CDH12: variants seen among roughly 807,000 people sequenced by gnomAD.
CDH12 encodes cadherin 12.
Under a neutral mutation model 74.1 loss-of-function variants are expected in CDH12, and 41 were observed. That is an observed-to-expected ratio of 0.55 (90% CI 0.43 to 0.72). The LOEUF (loss-of-function observed/expected upper bound fraction) is 0.72, where lower values mean the gene tolerates loss of function less well. Among genes scored for constraint, CDH12 ranks in the 30% least tolerant of loss-of-function variants. The pLI is 0.00. For missense variants in CDH12, 945 were observed against 977.2 expected, an observed-to-expected ratio of 0.97 and a Z score of 0.44; for synonymous variants, 399 against 355.0, an observed-to-expected ratio of 1.12 and a Z score of -1.39.
intron 11 of CDH12, among the ~76,000 whole-genome samples, chr5:21,768,964 T>C (rs535241547): frequency 6.6e-6 from 1 of 152,094 alleles, no homozygotes; most frequent in African/African-American, 2.4e-5. Flanking sequence ...GGACACGAGG[T>C]TGATTTAACA....
At chr5:22,289,624 C>T (rs1341563554) in intron 3 of CDH12, among the ~76,000 whole-genome samples, 1 of 152,090 alleles carries the variant, frequency 6.6e-6, no homozygotes, top group Non-Finnish European at 1.5e-5. Context: ...TGGGAGATCA[C>T]AGTACCTGGT....
chr5:22,827,618 T>C (rs764348062), intron 1 of CDH12, among the ~76,000 whole-genome samples: 1 of 152,212 alleles, frequency 6.6e-6, no homozygotes, highest in Non-Finnish European at 1.5e-5. Flanking sequence ...GCCAGGCTCT[T>C]CATGTTGACA....
chr5:22,008,635 C>T (rs1370928727), intron 5 of CDH12, among the ~76,000 whole-genome samples: 2 of 152,192 alleles, frequency 1.3e-5, no homozygotes, highest in Non-Finnish European at 2.9e-5. Flanking sequence ...TCAGAGACTT[C>T]CCTCTCCATC....
chr5:22,117,481 TATATATATTATATATATATA>T (rs1745212705), intron 4 of CDH12, among the ~76,000 whole-genome samples: 1 of 45,340 alleles, frequency 2.2e-5, no homozygotes, highest in African/African-American at 8.9e-5. Context: ...ATATATATTA[TATATATATTATATATATATA>T]ATATATATAT....
intron 4 of CDH12, among the ~76,000 whole-genome samples, chr5:22,126,539 CTT>C (rs1745881055): frequency 6.6e-6 from 1 of 152,130 alleles, no homozygotes; most frequent in South Asian, 2.1e-4. Flanking sequence ...ATAAAAAAAA[CTT>C]ATATACACTT....
intron 5 of CDH12, among the ~76,000 whole-genome samples, chr5:22,057,448 T>C (rs1580180232): frequency 6.6e-6 from 1 of 152,014 alleles, no homozygotes; most frequent in South Asian, 2.1e-4. Context: ...CACTTGTCAA[T>C]TGTGAGGAAA....
intron 2 of CDH12, among the ~76,000 whole-genome samples, chr5:22,498,137 C>T (rs932596473): frequency 1.3e-5 from 2 of 152,230 alleles, no homozygotes; most frequent in African/African-American, 2.4e-5. Flanking sequence ...GTTATTTTAT[C>T]AGGAAGATAT....
chr5:22,504,952 AG>A (rs1396404231), intron 2 of CDH12, among the ~76,000 whole-genome samples: 3 of 152,014 alleles, frequency 2.0e-5, no homozygotes, highest in Admixed American at 2.0e-4. Flanking sequence ...TTCTGTTTTT[AG>A]GAGGAACATA....
chr5:22,257,456 T>A (rs1048631704), intron 3 of CDH12, among the ~76,000 whole-genome samples: 1 of 151,450 alleles, frequency 6.6e-6, no homozygotes, highest in Non-Finnish European at 1.5e-5. Flanking sequence ...CATTTATGCC[T>A]GAGGTTGCAA....
intron 4 of CDH12, among the ~76,000 whole-genome samples, chr5:22,109,005 G>T (rs1043828855): frequency 6.6e-6 from 1 of 151,990 alleles, no homozygotes; most frequent in Non-Finnish European, 1.5e-5. Context: ...TTTACCAAGC[G>T]ATTACCAGAA....
At chr5:22,309,820 C>T (rs1738300366) in intron 3 of CDH12, among the ~76,000 whole-genome samples, 1 of 151,792 alleles carries the variant, frequency 6.6e-6, no homozygotes, top group East Asian at 1.9e-4. Context: ...TTCTGCCAGT[C>T]AATATTCTTC....
At chr5:22,477,670 C>A (rs1375848732) in intron 2 of CDH12, among the ~76,000 whole-genome samples, 2 of 152,112 alleles carry the variant, frequency 1.3e-5, no homozygotes, top group Non-Finnish European at 2.9e-5. Context: ...CAGTGTCTTC[C>A]ACAATGGCCC....
chr5:22,618,504 C>G (rs1395355186), intron 1 of CDH12, among the ~76,000 whole-genome samples: 1 of 152,042 alleles, frequency 6.6e-6, no homozygotes, highest in Non-Finnish European at 1.5e-5. Context: ...TGCACTGTGC[C>G]TGAACTTTGG....
At chr5:21,861,525 G>C (rs973463455) in intron 6 of CDH12, among the ~76,000 whole-genome samples, 20 of 152,108 alleles carry the variant, frequency 1.3e-4, no homozygotes, top group African/African-American at 4.1e-4. Context: ...TTGTTTTCCA[G>C]TGTAATTTCT....
chr5:21,920,241 A>T (rs916746956), intron 6 of CDH12, among the ~76,000 whole-genome samples: 4 of 152,310 alleles, frequency 2.6e-5, no homozygotes, highest in African/African-American at 9.6e-5. Context: ...CCCAACCTTG[A>T]TGAGACATCA....
intron 1 of CDH12, among the ~76,000 whole-genome samples, chr5:22,635,922 A>G (rs754249496): frequency 1.3e-5 from 2 of 152,042 alleles, no homozygotes; most frequent in Non-Finnish European, 2.9e-5. Flanking sequence ...CAAAAAATAA[A>G]ATAAAATAAA....
At chr5:22,362,084 T>A (rs1343393708) in intron 3 of CDH12, among the ~76,000 whole-genome samples, 1 of 152,082 alleles carries the variant, frequency 6.6e-6, no homozygotes, top group East Asian at 1.9e-4. Flanking sequence ...ACAAATGTGA[T>A]CTAATTAAAC....
intron 1 of CDH12, among the ~76,000 whole-genome samples, chr5:22,695,307 G>T (rs967384479): frequency 3.9e-5 from 6 of 152,108 alleles, no homozygotes; most frequent in Non-Finnish European, 8.8e-5. Context: ...ATAAACATAC[G>T]TTTGTATGTG....
At chr5:22,780,270 A>G (rs1177901321) in intron 1 of CDH12, among the ~76,000 whole-genome samples, 1 of 152,134 alleles carries the variant, frequency 6.6e-6, no homozygotes, top group Non-Finnish European at 1.5e-5. Flanking sequence ...ACATGCCTGT[A>G]TTCCTGGGTA....
Sources: gnomAD v4.1 joint callset for allele counts (sites outside exome capture counted in the v4.1 genomes callset) on GRCh38, gnomAD v4.1.1 for gene constraint, MANE v1.5 for transcripts, NCBI Gene and HGNC (gene_info 2026-07-23, HGNC 2026-07-21) for gene names.